The following RGS6 variants were observed in gnomAD, a reference collection of about 807,000 sequenced individuals.
RGS6 encodes the protein regulator of G-protein signaling 6.
In RGS6, 30 loss-of-function variants were observed where a neutral mutation model predicts 78.5. The ratio of observed to expected loss-of-function variants is 0.38; its 90% CI spans 0.29 to 0.52. RGS6 has a LOEUF of 0.52. RGS6 is among the 20% of genes least tolerant of loss of function. RGS6 has a pLI of 0.85. For synonymous variants in RGS6, 206 were observed against 206.0 expected (o/e 1.00, Z 0.00); for missense variants, 495 against 609.7 (o/e 0.81, Z 1.98).
intron 14 of RGS6, 26 bp downstream of exon 14, chr14:72,510,305 G>A: frequency 6.2e-7 from 1 of 1,613,964 alleles, no homozygotes; most frequent in Non-Finnish European, 8.5e-7. Context: ...TTTGAGCTGT[G>A]TGCGGAATGT....
At chr14:72,401,231 G>C (rs1401184216) in intron 3 of RGS6, among the ~76,000 whole-genome samples, 1 of 151,970 alleles carries the variant, frequency 6.6e-6, no homozygotes, top group South Asian at 2.1e-4. Context: ...GAGTAGGGGC[G>C]GACAAATATG....
At chr14:72,420,636 C>G (rs1419233472) in intron 3 of RGS6, among the ~76,000 whole-genome samples, 1 of 151,342 alleles carries the variant, frequency 6.6e-6, no homozygotes, top group East Asian at 1.9e-4. Flanking sequence ...ATATTTAATT[C>G]ATATTACCTG....
intron 3 of RGS6, among the ~76,000 whole-genome samples, chr14:72,424,441 G>A (rs982159152): frequency 1.3e-4 from 20 of 152,226 alleles, no homozygotes; most frequent in African/African-American, 2.6e-4. Context: ...ATGCGTGTCC[G>A]GGCAAGGGTC....
intron 2 of RGS6, among the ~76,000 whole-genome samples, chr14:72,183,049 T>C (rs1176660170): frequency 1.3e-5 from 2 of 152,228 alleles, no homozygotes; most frequent in East Asian, 1.9e-4. Flanking sequence ...TGAAAGTAGA[T>C]GCTTATGCAG....
At chr14:72,508,390 C>T in intron 13 of RGS6, among the ~76,000 whole-genome samples, 1 of 151,978 alleles carries the variant, frequency 6.6e-6, no homozygotes, top group East Asian at 1.9e-4. Flanking sequence ...TTTTAAAATT[C>T]AGTTCATCAG....
the RGS6 span, among the ~76,000 whole-genome samples, chr14:72,588,798 A>G: frequency 1.3e-5 from 2 of 152,184 alleles, no homozygotes; most frequent in African/African-American, 2.4e-5. Context: ...GATTTACAGA[A>G]AGAAATGGGA....
the RGS6 span, among the ~76,000 whole-genome samples, chr14:72,586,971 A>G: frequency 6.6e-6 from 1 of 152,320 alleles, no homozygotes; most frequent in East Asian, 1.9e-4. Context: ...CATCTACTGA[A>G]TAGGAACATA....
intron 3 of RGS6, among the ~76,000 whole-genome samples, chr14:72,398,284 G>A (rs868063784): frequency 4.3e-4 from 66 of 152,298 alleles, no homozygotes; most frequent in Non-Finnish European, 7.1e-4. Context: ...TCTTGGGAGA[G>A]TGTATGTGTT....
intron 17 of RGS6, among the ~76,000 whole-genome samples, chr14:72,546,803 C>T (rs1209441892): frequency 6.6e-6 from 1 of 152,228 alleles, no homozygotes. Flanking sequence ...ATCCAAATCG[C>T]GTACCCTGCC....
chr14:71,976,001 A>C (rs921185621), intron 2 of RGS6, among the ~76,000 whole-genome samples: 3 of 152,150 alleles, frequency 2.0e-5, no homozygotes, highest in Non-Finnish European at 4.4e-5. Flanking sequence ...CTGTGGTTAA[A>C]GTCATCCCAT....
chr14:72,452,959 A>G (rs1385587211), intron 3 of RGS6, among the ~76,000 whole-genome samples: 2 of 152,206 alleles, frequency 1.3e-5, no homozygotes, highest in Admixed American at 6.5e-5. Context: ...TATGGTGAGG[A>G]ACTCCAGGCC....
chr14:72,053,592 C>T (rs1394962618), intron 2 of RGS6, among the ~76,000 whole-genome samples: 1 of 152,138 alleles, frequency 6.6e-6, no homozygotes, highest in Non-Finnish European at 1.5e-5. Flanking sequence ...GGCTTGGGGG[C>T]TCCCCAAAGT....
chr14:72,586,239 C>G, the RGS6 span, among the ~76,000 whole-genome samples: 982 of 152,266 alleles, frequency 6.4e-3, 7 homozygotes, highest in Non-Finnish European at 0.011. Flanking sequence ...ATTTGATCCC[C>G]AGTGTTGGTG....
chr14:72,277,970 T>TC (rs2060956545), intron 2 of RGS6, among the ~76,000 whole-genome samples: 1 of 151,954 alleles, frequency 6.6e-6, no homozygotes, highest in Non-Finnish European at 1.5e-5. Context: ...ACTGTCTACT[T>TC]CCCCCACCCC....
chr14:72,245,959 C>T (rs1033319119), intron 2 of RGS6, among the ~76,000 whole-genome samples: 1 of 152,188 alleles, frequency 6.6e-6, no homozygotes, highest in Non-Finnish European at 1.5e-5. Context: ...AGGGAGGGTA[C>T]CTTTCACATG....
At chr14:72,602,107 G>A in the RGS6 span, among the ~76,000 whole-genome samples, 1 of 152,242 alleles carries the variant, frequency 6.6e-6, no homozygotes, top group Non-Finnish European at 1.5e-5. Flanking sequence ...AGGCAAGATA[G>A]AAGATGGCTA....
chr14:71,887,444 C>T, the RGS6 span, among the ~76,000 whole-genome samples: 268 of 151,852 alleles, frequency 1.8e-3, 3 homozygotes, highest in African/African-American at 6.1e-3. Context: ...TATAAGTGGA[C>T]GTGCAAGTAG....
chr14:72,319,641 T>C (rs749364883), intron 2 of RGS6, among the ~76,000 whole-genome samples: 21 of 152,174 alleles, frequency 1.4e-4, no homozygotes, highest in Non-Finnish European at 2.2e-4. Flanking sequence ...GCACCCGGCC[T>C]GAAGGGGGAA....
intron 3 of RGS6, among the ~76,000 whole-genome samples, chr14:72,436,119 G>A (rs1364246053): frequency 5.9e-5 from 9 of 152,188 alleles, no homozygotes; most frequent in African/African-American, 2.2e-4. Context: ...AGCAGCCATT[G>A]TGAACCATGA....
Sources: allele counts gnomAD v4.1 joint callset (sites outside exome capture counted in the v4.1 genomes callset), GRCh38; gene constraint gnomAD v4.1.1; transcripts MANE v1.5; gene names NCBI Gene and HGNC (gene_info 2026-07-23, HGNC 2026-07-21).